The following TANC2 variants were observed in gnomAD, a reference collection of about 807,000 sequenced individuals.
The protein encoded by TANC2 is tetratricopeptide repeat, ankyrin repeat and coiled-coil containing 2.
TANC2 carries 26 observed loss-of-function variants against 210.5 expected under a neutral mutation model. That is an observed-to-expected ratio of 0.12 (90% CI 0.09 to 0.17). The LOEUF is 0.17. TANC2 is among the 10% of genes least tolerant of loss of function. TANC2 has a pLI of 1.00. For synonymous variants in TANC2, 931 were observed against 967.1 expected (o/e 0.96, Z 0.69); for missense variants, 2,129 against 2,608.9 (o/e 0.82, Z 4.01).
intron 5 of TANC2, among the ~76,000 whole-genome samples, chr17:63,186,426 C>T (rs1044693439): frequency 1.3e-5 from 2 of 149,730 alleles, no homozygotes; most frequent in Admixed American, 1.3e-4. Context: ...AACCTCGGCT[C>T]ACTGCAACTT....
chr17:63,259,959 G>A (rs1001138408), intron 8 of TANC2, among the ~76,000 whole-genome samples: 2 of 152,022 alleles, frequency 1.3e-5, no homozygotes, highest in South Asian at 2.1e-4. Flanking sequence ...TATTTCAAGC[G>A]CAGAGAGCTG....
intron 9 of TANC2, among the ~76,000 whole-genome samples, chr17:63,273,122 C>T (rs973135104): frequency 6.6e-6 from 1 of 152,100 alleles, no homozygotes; most frequent in Admixed American, 6.5e-5. Flanking sequence ...GGCAACAACC[C>T]TGTCTCTACA....
chr17:63,359,252 C>A (rs528694598), intron 14 of TANC2, among the ~76,000 whole-genome samples: 143 of 151,978 alleles, frequency 9.4e-4, no homozygotes, highest in African/African-American at 3.4e-3. Flanking sequence ...GAGAAAGAGT[C>A]TTACTGTGTT....
At chr17:63,291,947 A>G (rs141383682) in intron 9 of TANC2, among the ~76,000 whole-genome samples, 1 of 152,340 alleles carries the variant, frequency 6.6e-6, no homozygotes, top group African/African-American at 2.4e-5. Context: ...GGAAGAAATT[A>G]TGGGTAAGTC....
At chr17:63,178,462 C>T (rs186995922) in intron 5 of TANC2, among the ~76,000 whole-genome samples, 5 of 152,264 alleles carry the variant, frequency 3.3e-5, no homozygotes, top group African/African-American at 1.2e-4. Context: ...GAAGAGCTTC[C>T]GTGCCTTTTT....
chr17:63,397,197 C>T (rs1419141794), intron 18 of TANC2, among the ~76,000 whole-genome samples: 1 of 152,060 alleles, frequency 6.6e-6, no homozygotes, highest in Non-Finnish European at 1.5e-5. Context: ...ATCGCCTGAA[C>T]CCGGGAGGTG....
At position 63,070,237 on chromosome 17, in the gene TANC2, CTT is replaced by C. The variant is rs1568360788; in HGVS notation, c.68-3704_68-3703del. Among the ~76,000 whole-genome samples the C allele has an allele frequency of 2.0e-5, 3 of 152,268 alleles. 1 individual carries two copies. The highest frequency in any genetic ancestry group is 4.4e-5 in the Non-Finnish European group (3 of 68,004). ...ATAAACTTAAGGGGAAAAAAAATCT[CTT>C]TCACAGTGCATTGTGCACTTTTAGT... On this transcript the variant is annotated intron_variant, in intron 2 of 27. Coordinates refer to ENST00000689528, the Ensembl canonical transcript of TANC2.
rs776631036 is a variant in TANC2 at position 63,421,553 on chromosome 17, G to A, written c.5823G>A (p.Gln1941=). The A allele has an allele frequency of 1.9e-6, 3 of 1,614,004 alleles. No individual in the cohort carries two copies. The highest frequency in any genetic ancestry group is 4.5e-5 in the East Asian group (2 of 44,888). Residue 1941 remains glutamine (Q), a synonymous_variant, in exon 28 of 28, where the codon CAG becomes CAA. Transcript: ENST00000689528. This position sits in a 1 kb window ranked among gnomAD's most constrained non-coding sequence, Gnocchi z 6.9. ...TAGATAAAACAGCACGGACTCAGCA[G>A]TACCCCCACCTCCACCAGCAGAATC...
intron 4 of TANC2, among the ~76,000 whole-genome samples, chr17:63,130,041 C>CA (rs1424395895): frequency 6.6e-6 from 1 of 151,712 alleles, no homozygotes; most frequent in African/African-American, 2.4e-5. Flanking sequence ...CCAATTAGAT[C>CA]AAAAAAATTA....
At chr17:63,129,113 G>C (rs2038822795) in intron 4 of TANC2, among the ~76,000 whole-genome samples, 1 of 152,018 alleles carries the variant, frequency 6.6e-6, no homozygotes, top group African/African-American at 2.4e-5. Flanking sequence ...TCCCACCTCA[G>C]CCTCCAAAAT....
intron 2 of TANC2, among the ~76,000 whole-genome samples, chr17:63,017,493 A>G (rs979733966): frequency 6.6e-6 from 1 of 152,142 alleles, no homozygotes; most frequent in Non-Finnish European, 1.5e-5. Flanking sequence ...ACAGTGTTTT[A>G]TTAATCAGCT....
chr17:63,303,965 G>A (rs878885510), intron 9 of TANC2, among the ~76,000 whole-genome samples: 1 of 151,810 alleles, frequency 6.6e-6, no homozygotes, highest in Non-Finnish European at 1.5e-5. Context: ...CTCTAAACTG[G>A]TTATTCTAGT....
At chr17:63,407,630 A>G (rs1414361528) in intron 21 of TANC2, among the ~76,000 whole-genome samples, 1 of 152,232 alleles carries the variant, frequency 6.6e-6, no homozygotes, top group Non-Finnish European at 1.5e-5. Context: ...TATTAGCAGA[A>G]CACTATACTA....
chr17:63,420,689 C>T lies in TANC2; in HGVS notation c.4959C>T (p.Ser1653=), dbSNP rs772824228. Residue 1653 remains serine (S), a synonymous_variant, in exon 28 of 28, where the codon AGC becomes AGT. Transcript: ENST00000689528. This position sits in a 1 kb window ranked among gnomAD's most constrained non-coding sequence, Gnocchi z 4.2. ...CCGTGCGCTATCAGCAGGAAACAAGCGTCAGTCAGCTTCCTGGCAGACCCA... is the reference window on the plus strand; with the variant it reads ...CCGTGCGCTATCAGCAGGAAACAAGTGTCAGTCAGCTTCCTGGCAGACCCA... 10 of 1,613,638 alleles carry T rather than the reference C, an allele frequency of 6.2e-6. No individual in the cohort carries two copies. Among genetic ancestry groups the T allele is most frequent in the Admixed American group, 5.0e-5 (3 of 59,986 alleles).
intron 1 of TANC2, among the ~76,000 whole-genome samples, chr17:62,989,767 CTTTTTTTTTTTTT>C (rs369502208): frequency 1.8e-5 from 2 of 109,808 alleles, no homozygotes; most frequent in African/African-American, 4.0e-5. Context: ...AAAACACATG[CTTTTTTTTTTTTT>C]TTTTTTTTTG....
At chr17:63,396,711 C>G (rs2048172092) in intron 18 of TANC2, 1 of 152,092 alleles carries the variant, frequency 6.6e-6, no homozygotes, top group South Asian at 2.1e-4. Context: ...AGTGAATTAA[C>G]ACAGGAACAG....
intron 25 of TANC2, 125 bp downstream of exon 25, chr17:63,413,759 A>G: frequency 1.2e-6 from 1 of 848,290 alleles, no homozygotes; most frequent in South Asian, 1.8e-5. Context: ...ACTGTTCCTC[A>G]GTGATGGCCT....
intron 1 of TANC2, among the ~76,000 whole-genome samples, chr17:62,996,254 A>G (rs1164284708): frequency 1.3e-5 from 2 of 152,176 alleles, no homozygotes; most frequent in African/African-American, 4.8e-5. Context: ...AGGACTCCGT[A>G]CTTCTATATT....
At chr17:63,355,019 C>T in exon 14 of TANC2, 1 of 1,613,928 alleles carries the variant, frequency 6.2e-7, no homozygotes, top group South Asian at 1.1e-5. Flanking sequence ...CATTTGACCT[C>T]ATAGAGAAAG....
Sources: gnomAD v4.1 joint callset for allele counts (sites outside exome capture counted in the v4.1 genomes callset) on GRCh38, gnomAD v4.1.1 for gene constraint, Gnocchi (gnomAD v3.1) non-coding constraint, MANE v1.5 for transcripts, NCBI Gene and HGNC (gene_info 2026-07-23, HGNC 2026-07-21) for gene names.